Variants in TEX2 observed in about 807,000 individuals in gnomAD.
TEX2 encodes testis expressed 2.
TEX2 carries 53 observed loss-of-function variants against 106.9 expected under a neutral mutation model. The ratio of observed to expected loss-of-function variants is 0.50; its 90% confidence interval spans 0.40 to 0.62. The LOEUF (loss-of-function observed/expected upper bound fraction) is 0.62. TEX2 is among the 20% of genes least tolerant of loss of function. TEX2 has a pLI of 0.00. For synonymous variants in TEX2, 523 were observed against 534.8 expected (o/e 0.98, Z 0.30); for missense variants, 1,207 against 1,379.0 (o/e 0.88, Z 1.98).
Position 64,188,288 on chromosome 17 carries a change from C to A in TEX2, c.2304G>T (p.Val768=), listed in dbSNP as rs769777296. 6.2e-7 allele frequency: 1 copy of A among 1,614,140 alleles called. No homozygotes were observed. Among genetic ancestry groups the A allele is most frequent in the Middle Eastern group, 1.7e-4 (1 of 6,044 alleles). The change falls in exon 5 of 12, where the codon GTG becomes GTT. Residue 768 remains valine, a synonymous_variant. Coordinates refer to ENST00000584379, the MANE Select transcript of TEX2 (RefSeq NM_001288732.2). ...QPKQKELAGS[V]RQKMLLDYSV... ...TGTAGTCGAGAAGCATCTTCTGCCG[C>A]ACGCTGCCTGCCAGCTCCTTCTGCT...
rs113402973 is a variant in TEX2 at position 64,226,891 on chromosome 17, G to A, written c.-25-12649C>T. 7.7e-3 allele frequency among the ~76,000 whole-genome samples: 1,172 copies of A among 152,120 alleles called. 15 individuals are homozygous for A. The highest frequency in any genetic ancestry group is 0.026 in the African/African-American group (1,099 of 41,534). ...AAAATATTTATAAAAAATAATGGGTGCATCCACAGGGAAAACTCAAGGAGA... is the reference window on the plus strand; with the variant it reads ...AAAATATTTATAAAAAATAATGGGTACATCCACAGGGAAAACTCAAGGAGA... On this transcript the variant is annotated intron_variant, in intron 1 of 11. Transcript: ENST00000584379.
intron 1 of TEX2, among the ~76,000 whole-genome samples, chr17:64,250,665 C>G (rs1598229212): frequency 6.6e-6 from 1 of 152,142 alleles, no homozygotes; most frequent in East Asian, 1.9e-4. Context: ...AACAACATAA[C>G]TTGCTCCCCT....
intron 2 of TEX2, among the ~76,000 whole-genome samples, chr17:64,210,355 G>T (rs1292816075): frequency 6.6e-6 from 1 of 152,136 alleles, no homozygotes; most frequent in Non-Finnish European, 1.5e-5. Flanking sequence ...CAAAATATAT[G>T]ATCCTATTAA....
chr17:64,215,744 G>A (rs1319462862), intron 1 of TEX2, among the ~76,000 whole-genome samples: 2 of 152,140 alleles, frequency 1.3e-5, no homozygotes, highest in Non-Finnish European at 2.9e-5. Context: ...AACACAATAC[G>A]CTTACAAGTA....
At chr17:64,154,801 T>A (rs1281318899) in intron 9 of TEX2, 41 bp downstream of exon 9, 1 of 1,528,048 alleles carries the variant, frequency 6.5e-7, no homozygotes, top group South Asian at 1.3e-5. Flanking sequence ...GCTGTCCTGA[T>A]CCCTGGAGAC....
At chr17:64,172,585 G>A (rs1268597525) in intron 6 of TEX2, among the ~76,000 whole-genome samples, 2 of 152,080 alleles carry the variant, frequency 1.3e-5, no homozygotes, top group African/African-American at 2.4e-5. Context: ...ATCTACTGAA[G>A]GCCACAGCTC....
At chr17:64,254,602 GA>G (rs1316696942) in intron 1 of TEX2, among the ~76,000 whole-genome samples, 1 of 152,120 alleles carries the variant, frequency 6.6e-6, no homozygotes, top group African/African-American at 2.4e-5. Flanking sequence ...TGTTTGATGT[GA>G]ATTTCCCCTT....
chr17:64,175,816 T>A (rs1352157680), intron 6 of TEX2, among the ~76,000 whole-genome samples: 1 of 152,234 alleles, frequency 6.6e-6, no homozygotes, highest in East Asian at 1.9e-4. Context: ...GCTTTCTTTT[T>A]GCACACTGCC....
intron 11 of TEX2, 184 bp from the exon 12 acceptor site, chr17:64,149,275 G>A (rs1567902116): frequency 1.8e-5 from 11 of 604,032 alleles, no homozygotes; most frequent in South Asian, 1.1e-4. Flanking sequence ...TCATACCAGC[G>A]CATGGATACG....
At chr17:64,244,024 G>C (rs931841292) in intron 1 of TEX2, among the ~76,000 whole-genome samples, 1 of 152,020 alleles carries the variant, frequency 6.6e-6, no homozygotes, top group Non-Finnish European at 1.5e-5. Context: ...GGCCAGGTTG[G>C]TCTCGAACTC....
intron 1 of TEX2, among the ~76,000 whole-genome samples, chr17:64,260,317 C>T (rs1317307876): frequency 1.3e-5 from 2 of 152,174 alleles, no homozygotes; most frequent in African/African-American, 4.8e-5. Context: ...GGAAAAACAA[C>T]GTGGTACAAT....
intron 1 of TEX2, among the ~76,000 whole-genome samples, chr17:64,224,553 T>C (rs1384352532): frequency 2.0e-5 from 3 of 152,150 alleles, no homozygotes; most frequent in Non-Finnish European, 4.4e-5. Context: ...CAAGACTCTA[T>C]CTTCATCACT....
rs12601698 is a variant in TEX2 at position 64,161,264 on chromosome 17, C to T, written c.2672-331G>A. On this transcript the variant is annotated intron_variant, in intron 7 of 11. Transcript: ENST00000584379. ...ATTTAGTAAGAAGACATATGCCTAG[C>T]GGAAGAAAATGGCTTGACCCAGGGC... 1.6e-3 allele frequency among the ~76,000 whole-genome samples: 244 copies of T among 152,240 alleles called. 6 individuals are homozygous for T. The East Asian group carries it at 0.045, about 28-fold the overall frequency.
chr17:64,186,621 A>G (rs1372603650), intron 5 of TEX2, among the ~76,000 whole-genome samples: 1 of 152,188 alleles, frequency 6.6e-6, no homozygotes, highest in African/African-American at 2.4e-5. Flanking sequence ...GTTCAAGACC[A>G]GACTGGGCAA....
Position 64,177,288 on chromosome 17 carries a change from ATAGAGGAT to A in TEX2, c.2571+29_2571+36del, listed in dbSNP as rs773988285. On this transcript the variant is annotated intron_variant, in intron 6 of 11. Transcript: ENST00000584379. ...ACAAAATTTCCAGAAATGAAGAAGT[ATAGAGGAT>A]TAGAAGCCTCTTGTGTGGAAAGTGA... 6.8e-6 allele frequency: 11 copies of A among 1,610,810 alleles called. No homozygotes were observed. In the South Asian group the frequency reaches 1.2e-4, roughly 18 times the overall value.
chr17:64,240,354 C>A (rs1203594062), intron 1 of TEX2, among the ~76,000 whole-genome samples: 8 of 152,104 alleles, frequency 5.3e-5, no homozygotes, highest in African/African-American at 1.7e-4. Context: ...CACGGGCCAG[C>A]CCACGACACC....
chr17:64,225,697 C>T (rs1426673979), intron 1 of TEX2, among the ~76,000 whole-genome samples: 1 of 149,926 alleles, frequency 6.7e-6, no homozygotes. Flanking sequence ...ACACATTTTT[C>T]TTTTCTTTTC....
intron 1 of TEX2, among the ~76,000 whole-genome samples, chr17:64,258,851 C>T (rs1359134940): frequency 6.6e-6 from 1 of 151,912 alleles, no homozygotes; most frequent in African/African-American, 2.4e-5. Context: ...CCTCTACCTC[C>T]CAGGTTCAAG....
At chr17:64,241,169 G>A (rs2033880777) in intron 1 of TEX2, among the ~76,000 whole-genome samples, 1 of 152,202 alleles carries the variant, frequency 6.6e-6, no homozygotes, top group Non-Finnish European at 1.5e-5. Flanking sequence ...TGGAGTGACT[G>A]CTGAGGGGTC....
Sources: allele counts gnomAD v4.1 joint callset (sites outside exome capture counted in the v4.1 genomes callset), GRCh38; gene constraint gnomAD v4.1.1; transcripts MANE v1.5; gene names NCBI Gene and HGNC (gene_info 2026-07-23, HGNC 2026-07-21).